NOMO1: variants seen among roughly 807,000 people sequenced by gnomAD.
NOMO1 encodes the protein NODAL modulator 1.
Under a neutral mutation model 133.8 loss-of-function variants are expected in NOMO1, and 40 were observed. That is an observed-to-expected ratio of 0.30 (90% CI 0.23 to 0.39). The LOEUF is 0.39. Ranked by LOEUF, NOMO1 falls within the 10% of genes least tolerant of loss-of-function variation. The pLI is 1.00. For missense variants in NOMO1, 462 were observed against 1,419.9 expected (o/e 0.33, Z 10.84); for synonymous variants, 236 against 570.5 (o/e 0.41, Z 8.36).
chr16:14,835,821 T>C (rs1375861545), intron 1 of NOMO1, among the ~76,000 whole-genome samples: 1 of 151,988 alleles, frequency 6.6e-6, no homozygotes, highest in Non-Finnish European at 1.5e-5. Context: ...CATTCTTCTC[T>C]AGCTTTCTCC....
At chr16:14,842,986 T>G (rs1963628131) in intron 3 of NOMO1, among the ~76,000 whole-genome samples, 1 of 146,854 alleles carries the variant, frequency 6.8e-6, no homozygotes, top group African/African-American at 2.5e-5. Flanking sequence ...TGGAGTGTGA[T>G]CTCAGTTCAC....
intron 2 of NOMO1, among the ~76,000 whole-genome samples, chr16:14,840,950 A>T (rs576658031): frequency 4.6e-5 from 7 of 151,842 alleles, no homozygotes; most frequent in Non-Finnish European, 7.4e-5. Flanking sequence ...TATAGGTGTG[A>T]GGTGCTGTGC....
rs2151003577 is a variant in NOMO1 at position 14,868,576 on chromosome 16, A to C, written c.1835A>C (p.Glu612Ala). ...TTTTATCAGGATGGAAATGGGCGTG[A>C]GAATGTGGGGATTTATAACCTCTCC... The part of the protein sequence containing the change: ...LEFYQDGNGR[E>A]NVGIYNLSKG... Residue 612 changes from glutamate to alanine, a missense_variant, in exon 16 of 31, where the codon GAG becomes GCG. Coordinates refer to ENST00000287667, the MANE Select transcript of NOMO1 (RefSeq NM_014287.4). The C allele has an allele frequency of 1.2e-6, 2 of 1,611,484 alleles. No individual in the cohort carries two copies. Among genetic ancestry groups the C allele is most frequent in the East Asian group, 4.5e-5 (2 of 44,846 alleles).
intron 23 of NOMO1, among the ~76,000 whole-genome samples, chr16:14,879,686 G>A (rs1184264913): frequency 2.1e-5 from 3 of 141,624 alleles, no homozygotes; most frequent in Non-Finnish European, 4.6e-5. Flanking sequence ...TTGAGACTAC[G>A]GTGTGCTGTG....
At chr16:14,856,420 G>T (rs1324449132) in intron 9 of NOMO1, among the ~76,000 whole-genome samples, 1 of 151,718 alleles carries the variant, frequency 6.6e-6, no homozygotes, top group Non-Finnish European at 1.5e-5. Flanking sequence ...TGGTCTAGGT[G>T]GATTTCTTTT....
At chr16:14,883,954 T>C (rs1053366512) in intron 26 of NOMO1, among the ~76,000 whole-genome samples, 8 of 149,654 alleles carry the variant, frequency 5.3e-5, no homozygotes, top group African/African-American at 1.7e-4. Flanking sequence ...ATTTTTAACA[T>C]GTTGGCAAGT....
At chr16:14,880,671 C>T (rs2014216) in intron 24 of NOMO1, among the ~76,000 whole-genome samples, 8,002 of 116,972 alleles carry the variant, frequency 0.068, 42 homozygotes, top group African/African-American at 0.096. Context: ...CGTGAGCCAC[C>T]GCGCCTGGCC....
chr16:14,867,800 C>T (rs996728076), intron 15 of NOMO1, among the ~76,000 whole-genome samples: 13 of 148,324 alleles, frequency 8.8e-5, no homozygotes, highest in African/African-American at 3.2e-4. Context: ...TATAGGAGAT[C>T]GATTAATATC....
chr16:14,862,109 G>A (rs1963930238), intron 11 of NOMO1, among the ~76,000 whole-genome samples: 1 of 151,558 alleles, frequency 6.6e-6, no homozygotes, highest in Non-Finnish European at 1.5e-5. Context: ...AACATTTAAT[G>A]TACCCCTAAT....
rs796766619 is a variant in NOMO1, at chr16:14,837,688, C to G, written c.166-719C>G. The stretch of plus-strand genomic sequence containing the variant: ...GTAAGGAAGATTTCTGGCCCTCATT[C>G]CAGACCTTTAGTTGAGAAATAGAGG... On this transcript the variant is annotated intron_variant, in intron 1 of 30. Coordinates refer to ENST00000287667, the MANE Select transcript of NOMO1 (RefSeq NM_014287.4). Among the ~76,000 whole-genome samples the G allele has an allele frequency of 1.7e-3, 252 of 148,788 alleles. 2 individuals are homozygous for G. The highest frequency in any genetic ancestry group is 5.5e-3 in the African/African-American group (224 of 40,442).
Position 14,892,223 on chromosome 16 carries a change from C to T in NOMO1, c.3445-2775C>T, listed in dbSNP as rs563903808. ...TAGCCCCAGTGCACTCCAGCCTGGG[C>T]GACAGAGCAAGACTGTTTCAAAAAA... On this transcript the variant is annotated intron_variant, in intron 29 of 30. Coordinates refer to ENST00000287667, the MANE Select transcript of NOMO1 (RefSeq NM_014287.4). 2.6e-4 allele frequency among the ~76,000 whole-genome samples: 39 copies of T among 151,062 alleles called. No individual in the cohort carries two copies. The East Asian group carries it at 5.0e-3, about 20-fold the overall frequency.
chr16:14,892,139 C>T (rs1184609935), intron 29 of NOMO1, among the ~76,000 whole-genome samples: 2 of 151,402 alleles, frequency 1.3e-5, no homozygotes, highest in African/African-American at 2.4e-5. Context: ...CCCAGCTACT[C>T]GAGAGGCTGT....
intron 4 of NOMO1, 82 bp from the exon 5 acceptor site, chr16:14,846,495 C>G: frequency 1.7e-6 from 1 of 576,368 alleles, no homozygotes; most frequent in Non-Finnish European, 3.1e-6. Context: ...TGGGCTCCAC[C>G]TGGGAGTTGT....
chr16:14,883,579 G>A (rs1469260454), intron 26 of NOMO1, among the ~76,000 whole-genome samples: 4 of 151,704 alleles, frequency 2.6e-5, no homozygotes, highest in Admixed American at 1.3e-4. Context: ...TGATCTGCTC[G>A]CTTCGGCCTC....
chr16:14,861,027 T>C (rs1963916916), intron 11 of NOMO1, among the ~76,000 whole-genome samples: 1 of 140,606 alleles, frequency 7.1e-6, no homozygotes, highest in Admixed American at 7.2e-5. Context: ...AGTAGAGATG[T>C]GGTTTTGCCG....
rs2301205 is a variant in NOMO1 at position 14,882,833 on chromosome 16, C to A, written c.3111+156C>A. Among the ~76,000 whole-genome samples the A allele has an allele frequency of 1.2e-3, 180 of 151,756 alleles. 2 individuals are homozygous for A. Among genetic ancestry groups the A allele is most frequent in the African/African-American group, 1.5e-3 (64 of 41,326 alleles). ...AGAATAGTGTCATCTTCACAAGCAG[C>A]ATCTTATGTGGGTTTTTAATGAACA... On this transcript the variant is annotated intron_variant, in intron 26 of 30. Transcript: ENST00000287667.
intron 11 of NOMO1, among the ~76,000 whole-genome samples, chr16:14,859,584 G>A (rs1396268870): frequency 6.6e-6 from 1 of 152,024 alleles, no homozygotes; most frequent in Non-Finnish European, 1.5e-5. Context: ...GGAGGCAGAG[G>A]TGGGCGGATC....
At chr16:14,860,728 A>G (rs1035231361) in intron 11 of NOMO1, among the ~76,000 whole-genome samples, 2 of 152,050 alleles carry the variant, frequency 1.3e-5, no homozygotes, top group Non-Finnish European at 2.9e-5. Flanking sequence ...CCTTTAAAGT[A>G]GAGTATTTGG....
intron 9 of NOMO1, among the ~76,000 whole-genome samples, chr16:14,856,556 C>T (rs1963839385): frequency 2.6e-5 from 4 of 151,758 alleles, no homozygotes; most frequent in East Asian, 3.9e-4. Context: ...GGATTACAGG[C>T]GCCTGCCACC....
Sources: gnomAD v4.1 joint callset for allele counts (sites outside exome capture counted in the v4.1 genomes callset) on GRCh38, gnomAD v4.1.1 for gene constraint, MANE v1.5 for transcripts, NCBI Gene and HGNC (gene_info 2026-07-23, HGNC 2026-07-21) for gene names.